COLEC11: variants seen among roughly 807,000 people sequenced by gnomAD.
The protein encoded by COLEC11 is collectin subfamily member 11.
In COLEC11, 20 loss-of-function variants were observed where a neutral mutation model predicts 27.3. That is an observed-to-expected ratio of 0.73 (90% CI 0.51 to 1.06). COLEC11 has a LOEUF of 1.06. COLEC11 is among the 50% of genes least tolerant of loss of function. The pLI, the probability that COLEC11 is intolerant of heterozygous loss-of-function variation, is 0.00. For missense variants in COLEC11, 310 were observed against 383.0 expected (o/e 0.81, Z 1.59); for synonymous variants, 163 against 154.7 (o/e 1.05, Z -0.40).
chr2:3,595,950 C>T (rs1202003562), intron 1 of COLEC11, among the ~76,000 whole-genome samples: 1 of 152,230 alleles, frequency 6.6e-6, no homozygotes, highest in East Asian at 1.9e-4. Context: ...CAATCTTTCA[C>T]AGCTATTCGA....
chr2:3,601,953 T>C (rs1662263034), intron 1 of COLEC11: 1 of 152,262 alleles, frequency 6.6e-6, no homozygotes, highest in Non-Finnish European at 1.5e-5. Flanking sequence ...GCTGCAGGGC[T>C]ATCTTGGGCA....
In COLEC11 at chr2:3,633,821, C is replaced by A. The variant is rs568221327; in HGVS notation, c.203-3712C>A. On this transcript the variant is annotated intron_variant, in intron 3 of 6. Coordinates refer to ENST00000349077, the MANE Select transcript of COLEC11 (RefSeq NM_024027.5). ...CCGACCTTCCTCCTCATGGTCAGCA[C>A]AGAACCTCAGGACCGGTGCGGTGGA... is the stretch of plus-strand genomic sequence containing the variant. Among the ~76,000 whole-genome samples, 356 of 152,288 alleles carry A rather than the reference C, an allele frequency of 2.3e-3. 2 individuals carry two copies. The highest frequency in any genetic ancestry group is 4.0e-3 in the Non-Finnish European group (270 of 68,022).
At chr2:3,617,755 G>A in intron 3 of COLEC11, 5 of 1,135,708 alleles carry the variant, frequency 4.4e-6, no homozygotes, top group Non-Finnish European at 6.6e-6. Flanking sequence ...CCACCACTGA[G>A]TTGTCGCTTT....
intron 3 of COLEC11, among the ~76,000 whole-genome samples, chr2:3,621,180 T>A (rs1664161466): frequency 6.6e-6 from 1 of 152,248 alleles, no homozygotes; most frequent in African/African-American, 2.4e-5. Flanking sequence ...CTGTTAATAT[T>A]TGCTTTACAT....
intron 1 of COLEC11, among the ~76,000 whole-genome samples, chr2:3,601,731 G>GC (rs1662240940): frequency 1.3e-5 from 2 of 152,140 alleles, no homozygotes; most frequent in African/African-American, 4.8e-5. Flanking sequence ...TCTCCCACGC[G>GC]CGTGCCCAAG....
At chr2:3,640,455 G>A (rs1665763064) in intron 5 of COLEC11, 124 bp downstream of exon 5, 6 of 689,982 alleles carry the variant, frequency 8.7e-6, no homozygotes, top group Non-Finnish European at 1.6e-5. Context: ...ATCCCACAGT[G>A]GACACCCACC....
chr2:3,617,234 C>T (rs1290102915), intron 3 of COLEC11, among the ~76,000 whole-genome samples: 2 of 151,724 alleles, frequency 1.3e-5, no homozygotes, highest in Non-Finnish European at 2.9e-5. Flanking sequence ...AAAAATGGCT[C>T]TCTGATTAAA....
At position 3,643,429 on chromosome 2, in the gene COLEC11, G is replaced by A. The variant is rs1281453527; in HGVS notation, c.329-15G>A. 2.5e-6 allele frequency: 4 copies of A among 1,609,012 alleles called. No individual in the cohort carries two copies. The highest frequency in any genetic ancestry group is 3.4e-6 in the Non-Finnish European group (4 of 1,175,852). On this transcript the variant is annotated splice_polypyrimidine_tract_variant and intron_variant, in intron 5 of 6. Coordinates refer to ENST00000349077, the MANE Select transcript of COLEC11 (RefSeq NM_024027.5). Reference sequence around the variant, plus strand: ...CTCATCCAGCGTTTGTAACGCGTGGGCCTGGCCCCCGCAGGCCTCCCATGT... The same window carrying A: ...CTCATCCAGCGTTTGTAACGCGTGGACCTGGCCCCCGCAGGCCTCCCATGT...
At chr2:3,623,551 T>C (rs958813539) in intron 3 of COLEC11, among the ~76,000 whole-genome samples, 2 of 152,150 alleles carry the variant, frequency 1.3e-5, no homozygotes, top group African/African-American at 4.8e-5. Flanking sequence ...TCACATATTC[T>C]TTCTTTTCTT....
chr2:3,632,212 G>T (rs546547402), intron 3 of COLEC11, among the ~76,000 whole-genome samples: 2 of 152,364 alleles, frequency 1.3e-5, no homozygotes, highest in South Asian at 4.1e-4. Flanking sequence ...GGCCAGGCCT[G>T]TCTGATGGCA....
In COLEC11 at chr2:3,602,278, G is replaced by A. The variant is rs1049428090; in HGVS notation, c.-26-2037G>A. ...CCCTGACCCCCAAGCCTTGCAAACC[G>A]AACCATTGCTCCACCCACTGGGTCA... On this transcript the variant is annotated intron_variant, in intron 1 of 6. Coordinates refer to ENST00000349077, the MANE Select transcript of COLEC11 (RefSeq NM_024027.5). The surrounding 1 kb of genome is among the most constrained non-coding windows in gnomAD (Gnocchi z 6.2). Among the ~76,000 whole-genome samples, 8 of 152,092 alleles carry A rather than the reference G, an allele frequency of 5.3e-5. No individual in the cohort carries two copies. The highest frequency in any genetic ancestry group is 1.0e-4 in the Non-Finnish European group (7 of 68,006).
At chr2:3,635,452 C>T (rs963734878) in intron 3 of COLEC11, among the ~76,000 whole-genome samples, 1 of 152,204 alleles carries the variant, frequency 6.6e-6, no homozygotes, top group Non-Finnish European at 1.5e-5. Flanking sequence ...CCGCCCTCTT[C>T]GCCAACCCTC....
At position 3,628,115 on chromosome 2, in the gene COLEC11, G is replaced by A. The variant is rs139797765; in HGVS notation, c.203-9418G>A. ...TTCAGGTCCTAGCATGAGACCTGAC[G>A]TTTGGAAGGCCCTCCATCCACTGTT... On this transcript the variant is annotated intron_variant, in intron 3 of 6. Transcript: ENST00000349077. Among the ~76,000 whole-genome samples the A allele has an allele frequency of 7.2e-3, 1,102 of 152,366 alleles. 10 individuals are homozygous for A. The highest frequency in any genetic ancestry group is 0.051 in the Middle Eastern group (15 of 294).
intron 2 of COLEC11, among the ~76,000 whole-genome samples, chr2:3,610,833 C>T (rs969676769): frequency 1.3e-5 from 2 of 152,154 alleles, no homozygotes; most frequent in Non-Finnish European, 2.9e-5. Flanking sequence ...GAGGTTATTG[C>T]CTCATTTTAT....
At chr2:3,615,249 CA>C (rs1663574443) in intron 3 of COLEC11, among the ~76,000 whole-genome samples, 1 of 152,176 alleles carries the variant, frequency 6.6e-6, no homozygotes, top group African/African-American at 2.4e-5. Flanking sequence ...AACAAGTGAA[CA>C]AGGGTCTCTG....
intron 3 of COLEC11, among the ~76,000 whole-genome samples, chr2:3,621,643 G>A (rs1346905390): frequency 6.6e-6 from 1 of 152,026 alleles, no homozygotes; most frequent in Non-Finnish European, 1.5e-5. Context: ...GTTTTCCTTT[G>A]TGGTTTGATA....
intron 3 of COLEC11, among the ~76,000 whole-genome samples, chr2:3,629,533 T>C (rs744577): frequency 0.094 from 14,278 of 152,316 alleles, 2,254 homozygotes; most frequent in African/African-American, 0.32. Flanking sequence ...TGTATAGTTG[T>C]ATGTATGGAT....
Position 3,607,449 on chromosome 2 carries a change from CTTTTT to C in COLEC11, c.130+2990_130+2994del, listed in dbSNP as rs377560723. 3.7e-5 allele frequency among the ~76,000 whole-genome samples: 4 copies of C among 109,182 alleles called. No individual in the cohort carries two copies. The East Asian group carries it at 8.9e-4, about 24-fold the overall frequency. 71.6% of individuals were successfully genotyped at this position (109,182 alleles called of 152,430 possible). ...CTTTATCAAATGAATTTTTTTTTTG[CTTTTT>C]TTTTTTTTTTGAGATGGAGTTTCTC... is the stretch of plus-strand genomic sequence containing the variant. On this transcript the variant is annotated intron_variant, in intron 2 of 6. Transcript: ENST00000349077.
chr2:3,631,157 G>A (rs995725033), intron 3 of COLEC11, among the ~76,000 whole-genome samples: 6 of 151,928 alleles, frequency 3.9e-5, no homozygotes, highest in African/African-American at 1.5e-4. Flanking sequence ...CTTGAACCTG[G>A]GAGGCAGAGG....
Sources: gnomAD v4.1 joint callset for allele counts (sites outside exome capture counted in the v4.1 genomes callset) on GRCh38, gnomAD v4.1.1 for gene constraint, Gnocchi (gnomAD v3.1) non-coding constraint, MANE v1.5 for transcripts, NCBI Gene and HGNC (gene_info 2026-07-23, HGNC 2026-07-21) for gene names.